ROBO1: variants seen among roughly 807,000 people sequenced by gnomAD.
The protein encoded by ROBO1 is roundabout guidance receptor 1.
ROBO1 carries 149 observed loss-of-function variants against 195.9 expected under a neutral mutation model. The observed-to-expected ratio is 0.76, with a 90% CI of 0.67 to 0.87. The LOEUF (loss-of-function observed/expected upper bound fraction) is 0.87. Among genes scored for constraint, ROBO1 ranks in the 40% least tolerant of loss-of-function variants. The pLI is 0.00. For missense variants in ROBO1, 1,933 were observed against 2,068.3 expected (o/e 0.93, Z 1.27); for synonymous variants, 816 against 733.2 (o/e 1.11, Z -1.82).
intron 1 of ROBO1, among the ~76,000 whole-genome samples, chr3:79,689,954 C>G (rs1316245666): frequency 6.6e-6 from 1 of 151,918 alleles, no homozygotes; most frequent in African/African-American, 2.4e-5. Context: ...AAATTGTTTT[C>G]TTCAGCTGTA....
chr3:79,619,091 G>A (rs1426036483), intron 1 of ROBO1, among the ~76,000 whole-genome samples: 3 of 152,076 alleles, frequency 2.0e-5, no homozygotes, highest in Non-Finnish European at 4.4e-5. Flanking sequence ...TTCCACTGGT[G>A]TCTGATCACT....
At chr3:78,762,038 TCA>T (rs1260017242) in intron 4 of ROBO1, among the ~76,000 whole-genome samples, 1 of 152,072 alleles carries the variant, frequency 6.6e-6, no homozygotes, top group Non-Finnish European at 1.5e-5. Context: ...CAAATGAAAT[TCA>T]CAGTTGTTTT....
chr3:78,815,133 C>A (rs912860972), intron 4 of ROBO1, among the ~76,000 whole-genome samples: 1 of 152,026 alleles, frequency 6.6e-6, no homozygotes, highest in Admixed American at 6.6e-5. Flanking sequence ...TTCCTATTCC[C>A]TGAGACACAA....
chr3:79,527,506 G>T (rs1421604797), intron 2 of ROBO1, among the ~76,000 whole-genome samples: 1 of 151,938 alleles, frequency 6.6e-6, no homozygotes, highest in African/African-American at 2.4e-5. Context: ...TCTCTATACA[G>T]TGTCAGGATC....
At chr3:79,057,607 C>T (rs1179318213) in intron 3 of ROBO1, among the ~76,000 whole-genome samples, 1 of 151,994 alleles carries the variant, frequency 6.6e-6, no homozygotes, top group East Asian at 1.9e-4. Context: ...AAAATTTCAC[C>T]ATTTCTATTA....
chr3:79,668,719 A>G (rs1050781793), intron 1 of ROBO1, among the ~76,000 whole-genome samples: 2 of 151,848 alleles, frequency 1.3e-5, no homozygotes, highest in African/African-American at 4.8e-5. Context: ...ATATAAAGAG[A>G]GAAATGCTCA....
chr3:78,838,325 A>G (rs62257505), intron 4 of ROBO1, among the ~76,000 whole-genome samples: 6,786 of 152,310 alleles, frequency 0.045, 213 homozygotes, highest in Non-Finnish European at 0.067. Context: ...CATGACCAAC[A>G]ATCTTGTCTG....
intron 3 of ROBO1, among the ~76,000 whole-genome samples, chr3:79,056,427 A>G (rs543560498): frequency 5.3e-5 from 8 of 152,222 alleles, no homozygotes; most frequent in Non-Finnish European, 7.4e-5. Context: ...AGGCTGGATT[A>G]CACATCGCTC....
chr3:78,793,137 A>C (rs923845837), intron 4 of ROBO1, among the ~76,000 whole-genome samples: 2 of 1,582 alleles, frequency 1.3e-3, no homozygotes, highest in East Asian at 0.25. Context: ...AACAAAACCA[A>C]AAAAAAAAAA....
intron 4 of ROBO1, among the ~76,000 whole-genome samples, chr3:78,793,331 A>C (rs2084082696): frequency 6.6e-6 from 1 of 152,204 alleles, no homozygotes; most frequent in South Asian, 2.1e-4. Context: ...GCAGAATTAA[A>C]AGATAGCGAT....
At chr3:79,021,392 A>C (rs1316017982) in intron 3 of ROBO1, among the ~76,000 whole-genome samples, 1 of 152,222 alleles carries the variant, frequency 6.6e-6, no homozygotes, top group Non-Finnish European at 1.5e-5. Context: ...TCCTCATATC[A>C]TTTGAATGTA....
chr3:79,540,559 A>G (rs1575992897), intron 2 of ROBO1, among the ~76,000 whole-genome samples: 1 of 151,988 alleles, frequency 6.6e-6, no homozygotes, highest in Admixed American at 6.6e-5. Context: ...ATAATAATCT[A>G]CTCTGTTTCA....
rs552869256 is a variant in ROBO1 at position 79,620,567 on chromosome 3, C to T, written c.-50-30606G>A. On this transcript the variant is annotated intron_variant, in intron 1 of 30. Coordinates refer to ENST00000464233, the MANE Select transcript of ROBO1 (RefSeq NM_002941.4). ...TAGTTGTCTCCACCTGCCCAGCTCC[C>T]TTATTAGGTCATTTTAACTAAATTA... 1.5e-4 allele frequency among the ~76,000 whole-genome samples: 23 copies of T among 152,080 alleles called. No homozygotes were observed. The South Asian group carries it at 4.6e-3, about 30-fold the overall frequency.
chr3:79,733,443 C>G (rs1703241119), intron 1 of ROBO1, among the ~76,000 whole-genome samples: 1 of 152,136 alleles, frequency 6.6e-6, no homozygotes, highest in African/African-American at 2.4e-5. Context: ...GAAAGCTCCA[C>G]AAACTCACCT....
intron 2 of ROBO1, among the ~76,000 whole-genome samples, chr3:79,129,510 C>T (rs925201753): frequency 2.6e-5 from 4 of 151,958 alleles, no homozygotes; most frequent in Non-Finnish European, 4.4e-5. Flanking sequence ...ACAGCAACAA[C>T]TATAAAAGGA....
At chr3:78,665,773 A>C (rs542771528) in intron 14 of ROBO1, among the ~76,000 whole-genome samples, 5 of 152,310 alleles carry the variant, frequency 3.3e-5, no homozygotes, top group South Asian at 4.1e-4. Flanking sequence ...AGAAGGGCTG[A>C]CTAGCTTGCT....
At chr3:78,825,293 A>C (rs1353141577) in intron 4 of ROBO1, among the ~76,000 whole-genome samples, 1 of 152,188 alleles carries the variant, frequency 6.6e-6, no homozygotes, top group Non-Finnish European at 1.5e-5. Context: ...ATGTCATAAC[A>C]AAACGGTCTC....
chr3:78,644,564 A>C (rs1706161414), intron 21 of ROBO1, among the ~76,000 whole-genome samples: 1 of 152,188 alleles, frequency 6.6e-6, no homozygotes, highest in South Asian at 2.1e-4. Flanking sequence ...ATTTGAAATA[A>C]ATCAGTTTCA....
chr3:78,895,438 A>G (rs1001905965), intron 4 of ROBO1, among the ~76,000 whole-genome samples: 1 of 152,190 alleles, frequency 6.6e-6, no homozygotes, highest in African/African-American at 2.4e-5. Flanking sequence ...CTTATAGAAT[A>G]TATTTTGAAA....
Sources: allele counts gnomAD v4.1 joint callset (sites outside exome capture counted in the v4.1 genomes callset), GRCh38; gene constraint gnomAD v4.1.1; transcripts MANE v1.5; gene names NCBI Gene and HGNC (gene_info 2026-07-23, HGNC 2026-07-21).